EML1: variants seen among roughly 807,000 people sequenced by gnomAD.
The protein encoded by EML1 is echinoderm microtubule-associated protein-like 1.
In EML1, 27 loss-of-function variants were observed where a neutral mutation model predicts 110.4. The observed-to-expected ratio is 0.24, with a 90% CI of 0.18 to 0.34. The LOEUF (loss-of-function observed/expected upper bound fraction) is 0.34, where lower values mean the gene tolerates loss of function less well. Ranked by LOEUF, EML1 falls within the 10% of genes least tolerant of loss-of-function variation. The pLI is 1.00. For synonymous variants in EML1, 344 were observed against 385.8 expected, an observed-to-expected ratio of 0.89 and a Z score of 1.27; for missense variants, 741 against 1,030.9, an observed-to-expected ratio of 0.72 and a Z score of 3.85.
intron 4 of EML1, among the ~76,000 whole-genome samples, chr14:99,885,482 G>A (rs554308719): frequency 5.3e-5 from 8 of 152,304 alleles, no homozygotes; most frequent in South Asian, 2.1e-4. Flanking sequence ...AGAAACACCC[G>A]TGTCTAGCCC....
At chr14:99,890,008 A>G (rs1230223718) in intron 4 of EML1, among the ~76,000 whole-genome samples, 1 of 152,212 alleles carries the variant, frequency 6.6e-6, no homozygotes, top group Non-Finnish European at 1.5e-5. Context: ...GAATATTAAT[A>G]TAGAATATTA....
intron 1 of EML1, among the ~76,000 whole-genome samples, chr14:99,832,002 T>C (rs1019752763): frequency 2.4e-4 from 37 of 152,170 alleles, no homozygotes; most frequent in African/African-American, 8.9e-4. Context: ...ATAATGAAGA[T>C]GTTCATTGCC....
chr14:99,835,982 TA>T (rs2058533708), intron 1 of EML1, among the ~76,000 whole-genome samples: 1 of 152,244 alleles, frequency 6.6e-6, no homozygotes, highest in South Asian at 2.1e-4. Context: ...TCCAGCTTTT[TA>T]CTCTTCTTCA....
At chr14:99,919,419 CACACAG>C (rs1325668424) in intron 16 of EML1, among the ~76,000 whole-genome samples, 1,326 of 48,642 alleles carry the variant, frequency 0.027, 17 homozygotes, top group African/African-American at 0.072. Context: ...CATACGCATG[CACACAG>C]ACACACACAC....
intron 1 of EML1, among the ~76,000 whole-genome samples, chr14:99,801,488 G>A (rs1251294201): frequency 6.6e-6 from 1 of 151,990 alleles, no homozygotes; most frequent in African/African-American, 2.4e-5. Flanking sequence ...GGTGGCGGGC[G>A]CCTGTAGTCC....
At chr14:99,874,567 GT>G (rs1219274520) in intron 3 of EML1, among the ~76,000 whole-genome samples, 2 of 147,914 alleles carry the variant, frequency 1.4e-5, no homozygotes, top group Admixed American at 1.3e-4. Flanking sequence ...GGCTGCCCTT[GT>G]TACTGCAAAT....
intron 9 of EML1, among the ~76,000 whole-genome samples, chr14:99,904,789 G>A (rs1006986406): frequency 7.2e-5 from 11 of 152,076 alleles, no homozygotes; most frequent in Non-Finnish European, 1.5e-4. Flanking sequence ...TTTTTTTCAG[G>A]AACCTGCCAC....
In EML1 at chr14:99,939,604, G is replaced by A. The variant is rs1395551346; in HGVS notation, c.2322+277G>A. 6.6e-6 allele frequency among the ~76,000 whole-genome samples: 1 copy of A among 152,092 alleles called. No individual in the cohort carries two copies. The highest frequency in any genetic ancestry group is 1.5e-5 in the Non-Finnish European group (1 of 68,014). ...CCCACGGCTCCCTTGCTCCGGCCCT[G>A]CTCAGCCGCGCCAGCCCTGAGCCCT... On this transcript the variant is annotated intron_variant, in intron 21 of 21. Coordinates refer to ENST00000262233, the MANE Select transcript of EML1 (RefSeq NM_004434.3). The surrounding 1 kb of genome is among the most constrained non-coding windows in gnomAD (Gnocchi z 4.2).
intron 1 of EML1, among the ~76,000 whole-genome samples, chr14:99,801,306 C>T (rs1391638524): frequency 6.6e-6 from 1 of 152,182 alleles, no homozygotes; most frequent in Non-Finnish European, 1.5e-5. Context: ...GTAGTCTCCC[C>T]TGTAAACATT....
chr14:99,869,041 A>T (rs2059150828), intron 3 of EML1, among the ~76,000 whole-genome samples: 2 of 152,036 alleles, frequency 1.3e-5, no homozygotes, highest in African/African-American at 2.4e-5. Flanking sequence ...TTTCTTTGTG[A>T]TTTCTTCTTT....
At chr14:99,887,883 A>G (rs984983129) in intron 4 of EML1, among the ~76,000 whole-genome samples, 1 of 152,168 alleles carries the variant, frequency 6.6e-6, no homozygotes, top group Admixed American at 6.5e-5. Flanking sequence ...CCTTTCTATC[A>G]GTTGTTCAGA....
rs936175572 is a variant in EML1 at position 99,905,111 on chromosome 14, G to T, written c.1009-2527G>T. On this transcript the variant is annotated intron_variant, in intron 9 of 21. Coordinates refer to ENST00000262233, the MANE Select transcript of EML1 (RefSeq NM_004434.3). The surrounding 1 kb of genome is among the most constrained non-coding windows in gnomAD (Gnocchi z 4.1). ...TCTTACCATTTTGCTGGCATGCCAG[G>T]CTTCTGGGTTCCCTTTCCCTGAGGC... 1.3e-5 allele frequency among the ~76,000 whole-genome samples: 2 copies of T among 152,162 alleles called. No individual in the cohort carries two copies. The highest frequency in any genetic ancestry group is 2.9e-5 in the Non-Finnish European group (2 of 68,028).
At position 99,939,854 on chromosome 14, in the gene EML1, G is replaced by T; in HGVS notation, c.2323-133G>T. The T allele has an allele frequency of 8.6e-7, 1 of 1,165,542 alleles. No homozygotes were observed. The highest frequency in any genetic ancestry group is 1.2e-6 in the Non-Finnish European group (1 of 853,168). 72.2% of individuals were successfully genotyped at this position (1,165,542 alleles called of 1,614,324 possible). On this transcript the variant is annotated intron_variant, in intron 21 of 21. Transcript: ENST00000262233. The surrounding 1 kb of genome is among the most constrained non-coding windows in gnomAD (Gnocchi z 4.2). ...CCCTTCTGTGTCACACACAGAGCAG[G>T]TTCCCAAGTGAGAGCTGCCGAGCGG...
chr14:99,892,002 G>T (rs544351973), intron 5 of EML1: 41 of 275,262 alleles, frequency 1.5e-4, no homozygotes, highest in African/African-American at 8.5e-4. Flanking sequence ...GAGCGCACTT[G>T]TCAGGATCCC....
chr14:99,810,221 G>A (rs2139710934), intron 1 of EML1, among the ~76,000 whole-genome samples: 2 of 152,336 alleles, frequency 1.3e-5, no homozygotes, highest in South Asian at 4.1e-4. Flanking sequence ...GAGCCAGGCT[G>A]TACCAGAGTC....
intron 9 of EML1, chr14:99,906,989 G>A (rs1429987392): frequency 1.3e-5 from 2 of 152,536 alleles, no homozygotes; most frequent in Non-Finnish European, 2.9e-5. Context: ...CTTCACAGCT[G>A]CTAACAGCCC....
At chr14:99,826,979 AT>A (rs1405328639) in intron 1 of EML1, among the ~76,000 whole-genome samples, 1 of 152,110 alleles carries the variant, frequency 6.6e-6, no homozygotes, top group African/African-American at 2.4e-5. Context: ...TCATCCATTA[AT>A]TTTTTTCATT....
intron 1 of EML1, among the ~76,000 whole-genome samples, chr14:99,843,039 A>G (rs2058656223): frequency 6.6e-6 from 1 of 152,310 alleles, no homozygotes; most frequent in Admixed American, 6.5e-5. Flanking sequence ...TAATCGCTTG[A>G]GGCTAGGAGT....
intron 3 of EML1, among the ~76,000 whole-genome samples, chr14:99,868,592 CT>C (rs1255345844): frequency 6.6e-6 from 1 of 152,128 alleles, no homozygotes; most frequent in Non-Finnish European, 1.5e-5. Context: ...ACCCAATTTG[CT>C]GGCATATGCT....
Sources: allele counts gnomAD v4.1 joint callset (sites outside exome capture counted in the v4.1 genomes callset), GRCh38; gene constraint gnomAD v4.1.1; non-coding constraint Gnocchi (gnomAD v3.1); transcripts MANE v1.5; gene names NCBI Gene and HGNC (gene_info 2026-07-23, HGNC 2026-07-21).